NUS1: variants seen among roughly 807,000 people sequenced by gnomAD.
NUS1 encodes the protein dehydrodolichyl diphosphate synthase complex subunit NUS1.
For missense variants in NUS1, 292 were observed against 382.9 expected, an observed-to-expected ratio of 0.76 and a Z score of 1.98; for synonymous variants, 135 against 155.2, an observed-to-expected ratio of 0.87 and a Z score of 0.97.
intron 1 of NUS1, among the ~76,000 whole-genome samples, chr6:117,682,629 C>A (rs4552764): frequency 0.8 from 121,323 of 152,088 alleles, 48,658 homozygotes; most frequent in Non-Finnish European, 0.85. Context: ...GTATCTTAAG[C>A]GTAATAATTA....
chr6:117,675,942 G>A lies in NUS1; in HGVS notation c.272G>A (p.Gly91Asp), dbSNP rs1419256714. ...AHHRMRWRAD[G>D]RSLEKLPVHM... ...CACCGGATGCGCTGGCGCGCGGACG[G>A]TCGTTCCTTGGAGAAGCTGCCTGTG... is the stretch of plus-strand genomic sequence containing the variant. The change falls in exon 1 of 5, where the codon GGT becomes GAT. Residue 91 changes from glycine (G) to aspartate (D), a missense_variant. Coordinates refer to ENST00000368494, the MANE Select transcript of NUS1 (RefSeq NM_138459.5). 1 of 1,546,340 alleles carries A rather than the reference G, an allele frequency of 6.5e-7. No homozygotes were observed. Among genetic ancestry groups the A allele is most frequent in the Non-Finnish European group, 8.7e-7 (1 of 1,144,528 alleles).
rs150868056 is a variant in NUS1, at chr6:117,680,789, C to T, written c.415+4704C>T. Reference sequence around the variant, plus strand: ...TTATTTGCTGTAAATTGGAATGATCCAGAATAAGGCATTGCCTTCTGTGTG... The same window carrying T: ...TTATTTGCTGTAAATTGGAATGATCTAGAATAAGGCATTGCCTTCTGTGTG... On this transcript the variant is annotated intron_variant, in intron 1 of 4. Transcript: ENST00000368494. Among the ~76,000 whole-genome samples the T allele has an allele frequency of 3.3e-5, 5 of 152,220 alleles. No homozygotes were observed. In the East Asian group the frequency reaches 9.6e-4, roughly 29 times the overall value.
intron 3 of NUS1, among the ~76,000 whole-genome samples, chr6:117,699,607 T>A (rs1007290457): frequency 6.6e-6 from 1 of 152,100 alleles, no homozygotes; most frequent in East Asian, 1.9e-4. Context: ...CAATGCAGTC[T>A]ATCAAAATAT....
intron 1 of NUS1, among the ~76,000 whole-genome samples, chr6:117,684,938 C>T (rs1224601911): frequency 6.6e-6 from 1 of 152,192 alleles, no homozygotes; most frequent in Non-Finnish European, 1.5e-5. Flanking sequence ...ACTAGGATTA[C>T]ATATGCATGT....
rs60775803 is a variant in NUS1, at chr6:117,691,558, G to GATATATAT, written c.416-1462_416-1455dup. ...CAGCAGGTTCTGTGCCATAGATATA[G>GATATATAT]ATATATATATATATATATATATATA... On this transcript the variant is annotated intron_variant, in intron 1 of 4. Transcript: ENST00000368494. 2.6e-3 allele frequency among the ~76,000 whole-genome samples: 362 copies of GATATATAT among 136,916 alleles called. 3 individuals carry two copies. The highest frequency in any genetic ancestry group is 0.015 in the East Asian group (69 of 4,728). The allele number at this position is 136,916 out of a possible 152,430, so 89.8% of individuals were successfully genotyped here. A position where few individuals can be genotyped will look rare whatever the true frequency, so the allele number is the denominator to read the frequency against.
intron 1 of NUS1, among the ~76,000 whole-genome samples, chr6:117,677,733 G>T (rs906941382): frequency 6.6e-6 from 1 of 152,162 alleles, no homozygotes; most frequent in Non-Finnish European, 1.5e-5. Context: ...ATAGGGTAAA[G>T]TTTGATATAT....
intron 1 of NUS1, among the ~76,000 whole-genome samples, chr6:117,679,515 A>G (rs550227998): frequency 6.6e-6 from 1 of 152,324 alleles, no homozygotes; most frequent in East Asian, 1.9e-4. Flanking sequence ...TAAAACAACA[A>G]TTTATATATT....
chr6:117,683,471 T>A (rs1773092409), intron 1 of NUS1, among the ~76,000 whole-genome samples: 1 of 152,244 alleles, frequency 6.6e-6, no homozygotes, highest in African/African-American at 2.4e-5. Flanking sequence ...TGAAGATTGC[T>A]CTCTAGTCGT....
intron 1 of NUS1, among the ~76,000 whole-genome samples, chr6:117,678,006 C>G (rs1168659462): frequency 6.6e-6 from 1 of 152,156 alleles, no homozygotes; most frequent in African/African-American, 2.4e-5. Flanking sequence ...ACTTGATGAC[C>G]GTGCCTACTA....
intron 1 of NUS1, among the ~76,000 whole-genome samples, chr6:117,684,563 T>A (rs933529492): frequency 4.6e-5 from 7 of 152,196 alleles, no homozygotes; most frequent in African/African-American, 1.7e-4. Flanking sequence ...TTTGATGGCA[T>A]CATTTGGACT....
chr6:117,692,221 TC>T (rs1444117747), intron 1 of NUS1, among the ~76,000 whole-genome samples: 1 of 152,096 alleles, frequency 6.6e-6, no homozygotes, highest in Non-Finnish European at 1.5e-5. Flanking sequence ...GTGTTCTCTC[TC>T]CCAGTTATTT....
intron 1 of NUS1, among the ~76,000 whole-genome samples, chr6:117,677,731 A>G (rs1022687885): frequency 2.6e-5 from 4 of 152,202 alleles, no homozygotes; most frequent in African/African-American, 9.7e-5. Flanking sequence ...CTATAGGGTA[A>G]AGTTTGATAT....
At chr6:117,683,255 T>A (rs1005203754) in intron 1 of NUS1, among the ~76,000 whole-genome samples, 4 of 152,236 alleles carry the variant, frequency 2.6e-5, no homozygotes, top group African/African-American at 9.6e-5. Context: ...CCTGTTCTCT[T>A]ACTACAGCAC....
chr6:117,691,429 A>G (rs1582470031), intron 1 of NUS1, among the ~76,000 whole-genome samples: 1 of 151,546 alleles, frequency 6.6e-6, no homozygotes, highest in South Asian at 2.1e-4. Context: ...TTCAGAGTTC[A>G]TCTCAGCTCA....
Position 117,708,776 on chromosome 6 carries a change from T to G in NUS1, c.*1761T>G, listed in dbSNP as rs1773535661. On this transcript the variant is annotated 3_prime_UTR_variant, in exon 5 of 5. Transcript: ENST00000368494. ...TTGTAGTGCAGCTGAAGACTGAATTTATGCCTTTTGTAAACATGATAGGTA... is the reference window on the plus strand; with the variant it reads ...TTGTAGTGCAGCTGAAGACTGAATTGATGCCTTTTGTAAACATGATAGGTA... 1 of 152,434 alleles carries G rather than the reference T, an allele frequency of 6.6e-6. No homozygotes were observed. The highest frequency in any genetic ancestry group is 2.1e-4 in the South Asian group (1 of 4,830). 9.4% of individuals were successfully genotyped at this position (152,434 alleles called of 1,614,324 possible). A position where few individuals can be genotyped will look rare whatever the true frequency, so the allele number is the denominator to read the frequency against.
At chr6:117,676,502 C>T (rs1437119205) in intron 1 of NUS1, among the ~76,000 whole-genome samples, 1 of 152,106 alleles carries the variant, frequency 6.6e-6, no homozygotes, top group Admixed American at 6.5e-5. Context: ...CGCTGGAACC[C>T]GGGAGGCGGA....
intron 3 of NUS1, among the ~76,000 whole-genome samples, chr6:117,701,135 G>T (rs1167077747): frequency 6.6e-6 from 1 of 151,654 alleles, no homozygotes; most frequent in East Asian, 1.9e-4. Context: ...TTTTGATATG[G>T]ATTGAATTGA....
At chr6:117,691,977 G>A (rs953363753) in intron 1 of NUS1, among the ~76,000 whole-genome samples, 11 of 151,848 alleles carry the variant, frequency 7.2e-5, no homozygotes, top group African/African-American at 2.7e-4. Context: ...TATTAAACCA[G>A]GCAAATTTTT....
intron 3 of NUS1, among the ~76,000 whole-genome samples, chr6:117,702,254 A>G (rs1308627596): frequency 6.6e-6 from 1 of 152,162 alleles, no homozygotes; most frequent in Non-Finnish European, 1.5e-5. Flanking sequence ...CTGTCAAACC[A>G]TGGATTTTCA....
Sources: gnomAD v4.1 joint callset for allele counts (sites outside exome capture counted in the v4.1 genomes callset) on GRCh38, gnomAD v4.1.1 for gene constraint, MANE v1.5 for transcripts, NCBI Gene and HGNC (gene_info 2026-07-23, HGNC 2026-07-21) for gene names.